The following TNIP1 variants were observed in gnomAD, a reference collection of about 807,000 sequenced individuals.
TNIP1 encodes the protein TNFAIP3 interacting protein 1.
A neutral mutation model predicts 86.6 loss-of-function variants in TNIP1; 22 were observed. The observed-to-expected ratio is 0.25, with a 90% confidence interval of 0.18 to 0.36. TNIP1 has a LOEUF of 0.36. Among genes scored for constraint, TNIP1 ranks in the 10% least tolerant of loss-of-function variants. The pLI, the probability that TNIP1 is intolerant of heterozygous loss-of-function variation, is 1.00. For synonymous variants in TNIP1, 294 were observed against 313.0 expected, an observed-to-expected ratio of 0.94 and a Z score of 0.64; for missense variants, 709 against 820.6, an observed-to-expected ratio of 0.86 and a Z score of 1.66.
intron 1 of TNIP1, among the ~76,000 whole-genome samples, chr5:151,077,405 T>C (rs906568025): frequency 3.3e-5 from 5 of 152,222 alleles, no homozygotes; most frequent in East Asian, 1.9e-4. Context: ...ATCCTGTCAA[T>C]AGCCTCATGA....
chr5:151,070,186 T>C (rs73799424), intron 1 of TNIP1, among the ~76,000 whole-genome samples: 1,749 of 152,314 alleles, frequency 0.011, 35 homozygotes, highest in African/African-American at 0.04. Context: ...TGAAACAATA[T>C]GTGTATAGTT....
At chr5:151,079,686 A>G (rs1763787638) in intron 1 of TNIP1, among the ~76,000 whole-genome samples, 1 of 152,096 alleles carries the variant, frequency 6.6e-6, no homozygotes, top group African/African-American at 2.4e-5. Context: ...ATAGTAAGCT[A>G]TTAGCATTAT....
At chr5:151,046,004 C>T (rs1759115000) in intron 8 of TNIP1, 54 bp from the exon 9 acceptor site, 2 of 1,572,726 alleles carry the variant, frequency 1.3e-6, no homozygotes, top group South Asian at 2.2e-5. Flanking sequence ...AATTATCTCA[C>T]CCAGTCTCGG....
chr5:151,050,755 A>G (rs1195733309), intron 7 of TNIP1, among the ~76,000 whole-genome samples: 2 of 150,442 alleles, frequency 1.3e-5, no homozygotes, highest in African/African-American at 4.9e-5. Flanking sequence ...CACCTCAGCC[A>G]CCCCCAACCT....
At chr5:151,075,997 A>G (rs925424046) in intron 1 of TNIP1, among the ~76,000 whole-genome samples, 1 of 152,300 alleles carries the variant, frequency 6.6e-6, no homozygotes, top group Non-Finnish European at 1.5e-5. Flanking sequence ...TCAAGGACGC[A>G]GAGCTCCTGC....
At chr5:151,039,924 G>A (rs556830478) in intron 11 of TNIP1, among the ~76,000 whole-genome samples, 11 of 152,332 alleles carry the variant, frequency 7.2e-5, no homozygotes, top group South Asian at 2.1e-4. Flanking sequence ...GCAGGGCTTC[G>A]CCACAGCCAG....
In TNIP1 at chr5:151,074,204, G is replaced by A. The variant is rs572008231; in HGVS notation, c.-37+6676C>T. 5.9e-5 allele frequency among the ~76,000 whole-genome samples: 9 copies of A among 152,130 alleles called. No homozygotes were observed. In the East Asian group the frequency reaches 1.7e-3, roughly 29 times the overall value. On this transcript the variant is annotated intron_variant, in intron 1 of 17. Transcript: ENST00000521591. ...TGGGGGGTTTTTCCCCAATAATCAT[G>A]TGCTATTTGGTAATTTTTTTTAAAG... is the stretch of plus-strand genomic sequence containing the variant.
chr5:151,070,436 C>A (rs1762705915), intron 1 of TNIP1, among the ~76,000 whole-genome samples: 1 of 152,208 alleles, frequency 6.6e-6, no homozygotes, highest in African/African-American at 2.4e-5. Flanking sequence ...ATTTTAGGCT[C>A]TTCCGTCAGC....
chr5:151,067,030 C>G (rs1762316543), intron 1 of TNIP1, among the ~76,000 whole-genome samples: 1 of 152,224 alleles, frequency 6.6e-6, no homozygotes, highest in African/African-American at 2.4e-5. Flanking sequence ...CTCCCAAAGA[C>G]TGACAGATAC....
intron 6 of TNIP1, among the ~76,000 whole-genome samples, chr5:151,056,111 T>C (rs1760623473): frequency 6.6e-6 from 1 of 152,140 alleles, no homozygotes; most frequent in Non-Finnish European, 1.5e-5. Context: ...ATAGGAACAT[T>C]GGGGGATAGA....
intron 1 of TNIP1, among the ~76,000 whole-genome samples, chr5:151,078,243 G>A (rs563389186): frequency 2.0e-5 from 3 of 152,320 alleles, no homozygotes; most frequent in East Asian, 3.9e-4. Context: ...AGGAAATGAT[G>A]CTTGGGAGAG....
upstream of TNIP1, chr5:151,081,135 G>T (rs1334378819): frequency 6.6e-6 from 1 of 152,168 alleles, no homozygotes; most frequent in Non-Finnish European, 1.5e-5. Context: ...GCCCGCGGCC[G>T]CCTGGGGTGG....
At chr5:151,059,638 T>C (rs1483666903) in intron 5 of TNIP1, among the ~76,000 whole-genome samples, 1 of 152,168 alleles carries the variant, frequency 6.6e-6, no homozygotes, top group African/African-American at 2.4e-5. Context: ...TAAAGAATCT[T>C]CCAGACTTTT....
At chr5:151,072,792 G>A (rs78201520) in intron 1 of TNIP1, among the ~76,000 whole-genome samples, 2,453 of 152,286 alleles carry the variant, frequency 0.016, 77 homozygotes, top group African/African-American at 0.056. Context: ...CTTTTAGGTA[G>A]TATATTCCTA....
intron 17 of TNIP1, among the ~76,000 whole-genome samples, chr5:151,031,769 C>T (rs1756929740): frequency 6.6e-6 from 1 of 152,170 alleles, no homozygotes; most frequent in Non-Finnish European, 1.5e-5. Context: ...ACTTCCCCTC[C>T]TCCCACCACG....
chr5:151,078,927 C>T (rs996924744), intron 1 of TNIP1, among the ~76,000 whole-genome samples: 1 of 152,170 alleles, frequency 6.6e-6, no homozygotes, highest in African/African-American at 2.4e-5. Context: ...CCAGGACATC[C>T]GGGCCCCAAG....
intron 3 of TNIP1, among the ~76,000 whole-genome samples, chr5:151,063,090 C>T (rs1307908362): frequency 1.3e-5 from 2 of 152,242 alleles, no homozygotes; most frequent in Non-Finnish European, 2.9e-5. Flanking sequence ...TCACCCTGTC[C>T]TTTAATGGGC....
At chr5:151,061,978 A>G in intron 4 of TNIP1, 149 bp downstream of exon 4, 1 of 685,522 alleles carries the variant, frequency 1.5e-6, no homozygotes, top group South Asian at 1.9e-5. Flanking sequence ...GAGGCCCCAG[A>G]GAGTTTGCGA....
At chr5:151,083,500 G>C (rs969321231), upstream of TNIP1, among the ~76,000 whole-genome samples, 1 of 152,216 alleles carries the variant, frequency 6.6e-6, no homozygotes, top group Non-Finnish European at 1.5e-5. Flanking sequence ...CTACCCTGTG[G>C]TCTGGAAGGG....
Sources: allele counts gnomAD v4.1 joint callset (sites outside exome capture counted in the v4.1 genomes callset), GRCh38; gene constraint gnomAD v4.1.1; transcripts MANE v1.5; gene names NCBI Gene and HGNC (gene_info 2026-07-23, HGNC 2026-07-21).